The following SSBP3 variants were observed in gnomAD, a reference collection of about 807,000 sequenced individuals.
SSBP3 encodes single stranded DNA binding protein 3.
SSBP3 carries 5 observed loss-of-function variants against 69.6 expected under a neutral mutation model. The ratio of observed to expected loss-of-function variants is 0.07; its 90% confidence interval spans 0.04 to 0.15. The LOEUF (loss-of-function observed/expected upper bound fraction) is 0.15. SSBP3 is among the 10% of genes least tolerant of loss of function. SSBP3 has a pLI of 1.00. For missense variants in SSBP3, 312 were observed against 534.0 expected (o/e 0.58, Z 4.10); for synonymous variants, 196 against 193.4 (o/e 1.01, Z -0.11).
chr1:54,370,899 G>A (rs1647121732), intron 4 of SSBP3, among the ~76,000 whole-genome samples: 1 of 151,896 alleles, frequency 6.6e-6, no homozygotes, highest in Non-Finnish European at 1.5e-5. Context: ...ACAAGATCAA[G>A]GGATCCCAGT....
At chr1:54,344,601 T>C (rs1251761871) in intron 4 of SSBP3, among the ~76,000 whole-genome samples, 1 of 152,144 alleles carries the variant, frequency 6.6e-6, no homozygotes, top group Admixed American at 6.5e-5. Context: ...ACACTCGGTG[T>C]CGTCAGTACA....
exon 18 of SSBP3, chr1:54,226,827 G>T: frequency 2.7e-6 from 1 of 366,582 alleles, no homozygotes; most frequent in Non-Finnish European, 5.1e-6. Flanking sequence ...ACAAAAAAGT[G>T]TCATGTACAG....
chr1:54,243,978 A>T (rs763661717), intron 9 of SSBP3, among the ~76,000 whole-genome samples: 6 of 152,274 alleles, frequency 3.9e-5, no homozygotes, highest in Non-Finnish European at 7.4e-5. Flanking sequence ...TGCCTAGGCT[A>T]GAGTGCAGTA....
chr1:54,413,024 T>A (rs1650031539), intron 1 of SSBP3: 1 of 152,122 alleles, frequency 6.6e-6, no homozygotes, highest in Non-Finnish European at 1.5e-5. Flanking sequence ...TGCAATTTTT[T>A]AAAAAACTAA....
intron 13 of SSBP3, among the ~76,000 whole-genome samples, chr1:54,240,622 C>T (rs555127400): frequency 6.6e-6 from 1 of 152,120 alleles, no homozygotes; most frequent in South Asian, 2.1e-4. Context: ...GGGAAATGCC[C>T]ACCCTGAACA....
chr1:54,357,232 A>G (rs1340183301), intron 4 of SSBP3, among the ~76,000 whole-genome samples: 2 of 152,158 alleles, frequency 1.3e-5, no homozygotes, highest in African/African-American at 4.8e-5. Context: ...GACGCTAATT[A>G]AAGGCTTTGC....
upstream of SSBP3, chr1:54,406,512 G>A (rs1193608089): frequency 6.6e-6 from 1 of 152,136 alleles, no homozygotes; most frequent in Non-Finnish European, 1.5e-5. Context: ...CGGGCCGGCT[G>A]GGAGGGACGC....
chr1:54,371,146 T>C (rs1474325376), intron 4 of SSBP3, among the ~76,000 whole-genome samples: 1 of 152,184 alleles, frequency 6.6e-6, no homozygotes, highest in Non-Finnish European at 1.5e-5. Context: ...CAGACACTTG[T>C]TCCACTGCAT....
intron 14 of SSBP3, among the ~76,000 whole-genome samples, chr1:54,232,831 C>G (rs1354311667): frequency 8.5e-5 from 13 of 152,238 alleles, no homozygotes; most frequent in Admixed American, 8.5e-4. Context: ...GATCCGCCAG[C>G]CTTGGCCTCC....
intron 11 of SSBP3, among the ~76,000 whole-genome samples, 199 bp downstream of exon 11, chr1:54,241,965 A>T (rs1644647132): frequency 6.6e-6 from 1 of 152,120 alleles, no homozygotes; most frequent in Admixed American, 6.5e-5. Context: ...CTGGGCAGGC[A>T]GGGCAGGGGT....
intron 4 of SSBP3, among the ~76,000 whole-genome samples, chr1:54,283,862 G>A (rs1056118694): frequency 6.6e-6 from 1 of 152,162 alleles, no homozygotes; most frequent in Non-Finnish European, 1.5e-5. Context: ...TGAGGGAATC[G>A]CCAGCTTATC....
At position 54,347,260 on chromosome 1, in the gene SSBP3, GC is replaced by G. The variant is rs1349873811; in HGVS notation, c.276+54600del. Among the ~76,000 whole-genome samples, 3 of 151,636 alleles carry G rather than the reference GC, an allele frequency of 2.0e-5. No individual in the cohort carries two copies. The South Asian group carries it at 6.3e-4, about 32-fold the overall frequency. On this transcript the variant is annotated intron_variant, in intron 4 of 17. Transcript: ENST00000610401. ...TGGGGTTAGAGGTGTGAGCCACCGTGCCCAGCCCTCCTATATACTTTAAATC... is the reference window on the plus strand; with the variant it reads ...TGGGGTTAGAGGTGTGAGCCACCGTGCCAGCCCTCCTATATACTTTAAATC...
intron 9 of SSBP3, 26 bp downstream of exon 9, chr1:54,251,590 C>T (rs568246088): frequency 1.4e-5 from 22 of 1,549,840 alleles, no homozygotes; most frequent in South Asian, 3.6e-5. Flanking sequence ...GCCAGGGAGA[C>T]GGACGGACAG....
At chr1:54,412,468 G>A (rs976623503) in intron 1 of SSBP3, among the ~76,000 whole-genome samples, 3 of 152,146 alleles carry the variant, frequency 2.0e-5, no homozygotes, top group South Asian at 4.1e-4. Flanking sequence ...CTACGATTCC[G>A]GTCATATGAA....
chr1:54,373,108 GCA>G (rs896864217), intron 4 of SSBP3, among the ~76,000 whole-genome samples: 2 of 152,128 alleles, frequency 1.3e-5, no homozygotes, highest in African/African-American at 4.8e-5. Flanking sequence ...TAACCTCCTG[GCA>G]CAGACACTCA....
At chr1:54,298,930 A>AACAAAACACACACACACAC (rs1553134013) in intron 4 of SSBP3, among the ~76,000 whole-genome samples, 1 of 137,174 alleles carries the variant, frequency 7.3e-6, no homozygotes, top group Non-Finnish European at 1.6e-5. Context: ...ACAAAAACAA[A>AACAAAACACACACACACAC]ACACACACAC....
intron 7 of SSBP3, 107 bp downstream of exon 7, chr1:54,257,020 C>T (rs900700734): frequency 1.0e-5 from 12 of 1,165,652 alleles, no homozygotes; most frequent in Admixed American, 2.8e-5. Flanking sequence ...GTTAAACCTG[C>T]CCCTCCACCC....
chr1:54,365,201 G>A (rs180852079), intron 4 of SSBP3, among the ~76,000 whole-genome samples: 1 of 152,238 alleles, frequency 6.6e-6, no homozygotes. Context: ...CTGCCGTATT[G>A]ACAGAGGCTC....
At chr1:54,340,158 A>G (rs904948481) in intron 4 of SSBP3, among the ~76,000 whole-genome samples, 1 of 152,170 alleles carries the variant, frequency 6.6e-6, no homozygotes, top group Non-Finnish European at 1.5e-5. Context: ...ACTTTGGTTC[A>G]GTCAATATTT....
Sources: allele counts gnomAD v4.1 joint callset (sites outside exome capture counted in the v4.1 genomes callset), GRCh38; gene constraint gnomAD v4.1.1; transcripts MANE v1.5; gene names NCBI Gene and HGNC (gene_info 2026-07-23, HGNC 2026-07-21).